Variants in TMEM164 observed in about 807,000 individuals in gnomAD.
TMEM164 encodes the protein transmembrane protein 164, also known as RP13-360B22.2.
Under a neutral mutation model 18.8 loss-of-function variants are expected in TMEM164, and 4 were observed. The observed-to-expected ratio is 0.21, with a 90% CI of 0.10 to 0.49. TMEM164 has a LOEUF of 0.49. Ranked by LOEUF, TMEM164 falls within the 20% of genes least tolerant of loss-of-function variation. The pLI is 0.98. For synonymous variants in TMEM164, 86 were observed against 101.7 expected (o/e 0.85, Z 0.93); for missense variants, 108 against 239.9 (o/e 0.45, Z 3.63).
In TMEM164 at chrX:110,175,967, A is replaced by T. The variant is rs1035785868; in HGVS notation, c.*2516A>T. The T allele has an allele frequency of 5.7e-5, 43 of 754,734 alleles. No homozygotes were observed. The highest frequency in any genetic ancestry group is 6.4e-5 in the Non-Finnish European group (41 of 639,363). 62.2% of individuals were successfully genotyped at this position (754,734 alleles called of 1,213,427 possible). On this transcript the variant is annotated 3_prime_UTR_variant, in exon 7 of 7. Coordinates refer to ENST00000372068, the MANE Select transcript of TMEM164 (RefSeq NM_032227.4). The stretch of plus-strand genomic sequence containing the variant: ...GGCCCTCTACTGCCCCAGCTTTGGT[A>T]CAGGAGTGAGGGAGAAGCTGGAGCT...
At chrX:110,120,959 T>C (rs1208896030) in intron 4 of TMEM164, among the ~76,000 whole-genome samples, 1 of 112,179 alleles carries the variant, frequency 8.9e-6, no homozygotes. Context: ...TGGCTGGGGC[T>C]TGGGGCTTTG....
chrX:110,123,977 G>A (rs1053549421), intron 4 of TMEM164, among the ~76,000 whole-genome samples: 1 of 110,774 alleles, frequency 9.0e-6, no homozygotes, highest in Non-Finnish European at 1.9e-5. Context: ...TTAGCCAGGC[G>A]TGGCGGTATG....
chrX:110,066,810 A>C (rs992170923), intron 2 of TMEM164, among the ~76,000 whole-genome samples: 1 of 111,873 alleles, frequency 8.9e-6, no homozygotes, highest in Non-Finnish European at 1.9e-5. Context: ...AAAAGAATCA[A>C]TCAAAGGGAG....
At position 110,010,977 on chromosome X, in the gene TMEM164, G is replaced by C. The variant is rs1247847978; in HGVS notation, c.390+6813G>C. On this transcript the variant is annotated intron_variant, in intron 2 of 6. Coordinates refer to ENST00000372068, the MANE Select transcript of TMEM164 (RefSeq NM_032227.4). ...CTAAGATCTGCAGGGACTAACAAGAGGGAATGTTGACACATGGTTTGTTGT... is the reference window on the plus strand; with the variant it reads ...CTAAGATCTGCAGGGACTAACAAGACGGAATGTTGACACATGGTTTGTTGT... Among the ~76,000 whole-genome samples the C allele has an allele frequency of 1.7e-4, 19 of 111,739 alleles. No individual in the cohort carries two copies. In the Admixed American group the frequency reaches 1.8e-3, roughly 11 times the overall value.
intron 5 of TMEM164, among the ~76,000 whole-genome samples, chrX:110,170,497 C>T (rs963139082): frequency 1.8e-5 from 2 of 111,682 alleles, no homozygotes; most frequent in African/African-American, 6.5e-5. Flanking sequence ...TGATGTCAAC[C>T]CTAATTGCTT....
intron 3 of TMEM164, among the ~76,000 whole-genome samples, chrX:110,080,792 C>T: frequency 9.0e-6 from 1 of 111,298 alleles, no homozygotes; most frequent in Non-Finnish European, 1.9e-5. Flanking sequence ...ATTCACGGCT[C>T]ACTGCAGCCT....
At chrX:110,062,261 T>G (rs1224597174) in intron 2 of TMEM164, among the ~76,000 whole-genome samples, 1 of 112,117 alleles carries the variant, frequency 8.9e-6, no homozygotes, top group Non-Finnish European at 1.9e-5. Flanking sequence ...ACAGTCAAAG[T>G]GCACAGATGG....
chrX:110,052,126 A>G (rs1023981183), intron 2 of TMEM164, among the ~76,000 whole-genome samples: 2 of 110,791 alleles, frequency 1.8e-5, no homozygotes, highest in African/African-American at 6.6e-5. Context: ...ATGTTAGTAC[A>G]TATAAATCAA....
chrX:110,006,282 C>T (rs780985730), intron 2 of TMEM164, among the ~76,000 whole-genome samples: 2 of 111,095 alleles, frequency 1.8e-5, no homozygotes, highest in Admixed American at 1.9e-4. Context: ...TTGTTTTCTC[C>T]CTGTGTCTTC....
intron 4 of TMEM164, among the ~76,000 whole-genome samples, chrX:110,126,130 G>A (rs756332000): frequency 8.9e-6 from 1 of 112,092 alleles, no homozygotes; most frequent in Non-Finnish European, 1.9e-5. Flanking sequence ...GGTGGATGGA[G>A]AGGACGAGAT....
At chrX:110,024,780 G>T (rs1934104375) in intron 2 of TMEM164, among the ~76,000 whole-genome samples, 1 of 111,984 alleles carries the variant, frequency 8.9e-6, no homozygotes, top group Admixed American at 9.5e-5. Flanking sequence ...AGAAGCAATT[G>T]AAACAACAGA....
chrX:110,020,478 C>T (rs1295788689), intron 2 of TMEM164: 2 of 751,835 alleles, frequency 2.7e-6, no homozygotes, highest in Admixed American at 1.8e-4. Flanking sequence ...ATCATGCAAG[C>T]TAGAGAAGAG....
intron 3 of TMEM164, among the ~76,000 whole-genome samples, chrX:110,107,878 T>G (rs1382882361): frequency 9.1e-6 from 1 of 110,417 alleles, no homozygotes; most frequent in East Asian, 2.8e-4. Flanking sequence ...TAGGGTGGTC[T>G]TGAACTCCCG....
chrX:110,152,709 TCA>T (rs1278040326), intron 5 of TMEM164, among the ~76,000 whole-genome samples: 1 of 110,895 alleles, frequency 9.0e-6, no homozygotes, highest in African/African-American at 3.3e-5. Context: ...TAAATATCTC[TCA>T]GACTCATCCT....
intron 3 of TMEM164, among the ~76,000 whole-genome samples, chrX:110,085,403 G>A (rs968211678): frequency 2.0e-4 from 22 of 109,074 alleles, no homozygotes; most frequent in African/African-American, 7.0e-4. Context: ...CTGGCCTCAA[G>A]TGATACTCCC....
intron 2 of TMEM164, among the ~76,000 whole-genome samples, chrX:110,058,750 T>G (rs1935977822): frequency 9.4e-6 from 1 of 106,281 alleles, no homozygotes; most frequent in African/African-American, 3.4e-5. Context: ...CCCAAGTAGC[T>G]GGGATTACAG....
chrX:110,047,225 G>C (rs768473160), intron 2 of TMEM164, among the ~76,000 whole-genome samples: 10 of 112,235 alleles, frequency 8.9e-5, no homozygotes, highest in African/African-American at 3.2e-4. Flanking sequence ...ATTTTTCAAA[G>C]TGCAGATAGT....
chrX:110,075,194 C>G (rs1347589259), intron 3 of TMEM164, among the ~76,000 whole-genome samples: 1 of 111,160 alleles, frequency 9.0e-6, no homozygotes, highest in Non-Finnish European at 1.9e-5. Flanking sequence ...GGATGTATTC[C>G]TAGGCATTTT....
intron 3 of TMEM164, among the ~76,000 whole-genome samples, chrX:110,084,481 G>T (rs5942625): frequency 0.13 from 5,811 of 45,376 alleles, 377 homozygotes; most frequent in Admixed American, 0.22. Context: ...TATATATAGA[G>T]AGAGAGAGAG....
Sources: gnomAD v4.1 joint callset for allele counts (sites outside exome capture counted in the v4.1 genomes callset) on GRCh38, gnomAD v4.1.1 for gene constraint, MANE v1.5 for transcripts, NCBI Gene and HGNC (gene_info 2026-07-23, HGNC 2026-07-21) for gene names.